The following RUNX1 variants were observed in gnomAD, a reference collection of about 807,000 sequenced individuals.
The protein encoded by RUNX1 is runt-related transcription factor 1.
Under a neutral mutation model 42.8 loss-of-function variants are expected in RUNX1, and 19 were observed. The ratio of observed to expected loss-of-function variants is 0.44; its 90% CI spans 0.31 to 0.65. RUNX1 has a LOEUF of 0.65. RUNX1 is among the 30% of genes least tolerant of loss of function. The pLI is 0.07. For missense variants in RUNX1, 528 were observed against 672.0 expected, an observed-to-expected ratio of 0.79 and a Z score of 2.37; for synonymous variants, 271 against 289.4, an observed-to-expected ratio of 0.94 and a Z score of 0.64.
intron 3 of RUNX1, chr21:34,889,694 G>C: frequency 4.3e-6 from 5 of 1,171,154 alleles, no homozygotes; most frequent in Non-Finnish European, 5.3e-6. Context: ...TCGCGTGCGG[G>C]CGGCCGCTTC....
rs2058227434 is a variant in RUNX1 at position 34,907,133 on chromosome 21, C to G, written c.59-14170G>C. On this transcript the variant is annotated intron_variant, in intron 2 of 8. Transcript: ENST00000675419. This position sits in a 1 kb window ranked among gnomAD's most constrained non-coding sequence, Gnocchi z 5.3. ...GTGCCCCCTTCAGTGAAAACCTTGA[C>G]TCTAAGGACAGCACTTTCCTGGTGT... Among the ~76,000 whole-genome samples the G allele has an allele frequency of 6.6e-6, 1 of 152,160 alleles. No individual in the cohort carries two copies. Among genetic ancestry groups the G allele is most frequent in the South Asian group, 2.1e-4 (1 of 4,826 alleles).
chr21:34,792,309 G>GCCCC lies in RUNX1; in HGVS notation c.1268_1269insGGGG (p.Ser424GlyfsTer177). On this transcript the variant is annotated frameshift_variant, in exon 9 of 9. Coordinates refer to ENST00000675419, the MANE Select transcript of RUNX1 (RefSeq NM_001754.5). LOFTEE classifies it high-confidence loss of function. This position sits in a 1 kb window ranked among gnomAD's most constrained non-coding sequence, Gnocchi z 6.9. ...AGGGCGGCAGGATGCGCGGCGGCGA[G>GCCCC]CGCTCGCCGCCCACCATGGAGAACT... The GCCCC allele has an allele frequency of 6.5e-7, 1 of 1,542,488 alleles. No individual in the cohort carries two copies. Among genetic ancestry groups the GCCCC allele is most frequent in the Non-Finnish European group, 8.7e-7 (1 of 1,145,406 alleles).
At chr21:34,806,752 G>T (rs1303531463) in intron 7 of RUNX1, among the ~76,000 whole-genome samples, 2 of 152,084 alleles carry the variant, frequency 1.3e-5, no homozygotes, top group Non-Finnish European at 2.9e-5. Context: ...ATCCTTAAAA[G>T]TATAGAAAGC....
chr21:35,031,687 C>T (rs1256623764), intron 2 of RUNX1, among the ~76,000 whole-genome samples: 1 of 151,870 alleles, frequency 6.6e-6, no homozygotes. Flanking sequence ...ACTATTAAGC[C>T]TTAAAAAAGA....
intron 7 of RUNX1, among the ~76,000 whole-genome samples, chr21:34,817,354 G>A (rs1292960856): frequency 6.6e-6 from 1 of 152,204 alleles, no homozygotes; most frequent in African/African-American, 2.4e-5. Flanking sequence ...TATACTACAA[G>A]AAACAGACTG....
At position 34,799,841 on chromosome 21, in the gene RUNX1, C is replaced by T. The variant is rs553904005; in HGVS notation, c.806-379G>A. 3.3e-5 allele frequency among the ~76,000 whole-genome samples: 5 copies of T among 152,276 alleles called. No homozygotes were observed. In the East Asian group the frequency reaches 5.8e-4, roughly 18 times the overall value. On this transcript the variant is annotated intron_variant, in intron 7 of 8. Transcript: ENST00000675419. Reference sequence around the variant, plus strand: ...ATGATTTCAGCTTTGCCAATAATTACAATTATCATCATCAGAAACATTTTA... The same window carrying T: ...ATGATTTCAGCTTTGCCAATAATTATAATTATCATCATCAGAAACATTTTA...
chr21:35,011,672 A>G (rs749456092), intron 2 of RUNX1, among the ~76,000 whole-genome samples: 4 of 152,218 alleles, frequency 2.6e-5, no homozygotes, highest in African/African-American at 7.2e-5. Context: ...GATCCCATCC[A>G]TGTTTCATCA....
At chr21:34,890,356 C>T (rs1035406334) in intron 3 of RUNX1, among the ~76,000 whole-genome samples, 2 of 152,196 alleles carry the variant, frequency 1.3e-5, no homozygotes, top group African/African-American at 4.8e-5. Context: ...CAGGAAGCCG[C>T]CCCAGAGCCC....
rs916284733 is a variant in RUNX1, at chr21:35,024,375, CAA to C, written c.58+24465_58+24466del. Among the ~76,000 whole-genome samples, 52 of 152,348 alleles carry C rather than the reference CAA, an allele frequency of 3.4e-4. 1 individual carries two copies. The highest frequency in any genetic ancestry group is 3.4e-3 in the Admixed American group (52 of 15,310). On this transcript the variant is annotated intron_variant, in intron 2 of 8. Coordinates refer to ENST00000675419, the MANE Select transcript of RUNX1 (RefSeq NM_001754.5). ...CCATGCCAATCTACTGAGACTTCTA[CAA>C]GAGAGAGAAACACACTTCTATCTTG...
intron 2 of RUNX1, among the ~76,000 whole-genome samples, chr21:34,952,677 G>GA (rs1361194925): frequency 6.6e-6 from 1 of 152,076 alleles, no homozygotes; most frequent in African/African-American, 2.4e-5. Context: ...TCATTTTACA[G>GA]AAAAAGAAAT....
chr21:35,048,536 C>T (rs2059416891), intron 2 of RUNX1, among the ~76,000 whole-genome samples: 1 of 152,258 alleles, frequency 6.6e-6, no homozygotes, highest in East Asian at 1.9e-4. Flanking sequence ...GTGCAAGCTT[C>T]ATAATCTCTA....
intron 2 of RUNX1, among the ~76,000 whole-genome samples, chr21:34,997,467 T>C (rs994002855): frequency 7.2e-5 from 11 of 152,230 alleles, no homozygotes; most frequent in African/African-American, 2.7e-4. Flanking sequence ...CAGTAGGAGA[T>C]GGTGTGTGGA....
intron 8 of RUNX1, among the ~76,000 whole-genome samples, chr21:34,796,641 T>C (rs2056531485): frequency 6.6e-6 from 1 of 152,216 alleles, no homozygotes; most frequent in South Asian, 2.1e-4. Flanking sequence ...CTCTCCAGCT[T>C]GACATGGATG....
rs147474097 is a variant in RUNX1 at position 34,927,290 on chromosome 21, T to G, written c.59-34327A>C. 1.8e-3 allele frequency among the ~76,000 whole-genome samples: 278 copies of G among 152,230 alleles called. 2 individuals are homozygous for G. Among genetic ancestry groups the G allele is most frequent in the African/African-American group, 6.3e-3 (260 of 41,562 alleles). ...TCAGCCTCCTCTTCCCTTGCCACAC[T>G]CCACGTAACACAGAATGCACAAGAC... On this transcript the variant is annotated intron_variant, in intron 2 of 8. Coordinates refer to ENST00000675419, the MANE Select transcript of RUNX1 (RefSeq NM_001754.5).
chr21:34,903,416 C>G (rs576559192), intron 2 of RUNX1, among the ~76,000 whole-genome samples: 1 of 152,140 alleles, frequency 6.6e-6, no homozygotes, highest in Admixed American at 6.5e-5. Flanking sequence ...GACTTTTTTA[C>G]TAAAATAAAA....
intron 2 of RUNX1, among the ~76,000 whole-genome samples, chr21:35,009,118 A>G (rs1342299646): frequency 6.6e-6 from 1 of 152,178 alleles, no homozygotes; most frequent in Non-Finnish European, 1.5e-5. Context: ...GTCCTGCTGC[A>G]TCTTTTAACC....
At chr21:35,028,445 G>A (rs73203049) in intron 2 of RUNX1, among the ~76,000 whole-genome samples, 8,027 of 152,234 alleles carry the variant, frequency 0.053, 298 homozygotes, top group Non-Finnish European at 0.069. Flanking sequence ...GAGCACTCCT[G>A]GAGCCACCTG....
intron 3 of RUNX1, chr21:34,889,648 G>A (rs1271421971): frequency 1.6e-5 from 18 of 1,110,984 alleles, no homozygotes; most frequent in African/African-American, 3.4e-5. Context: ...GCCCCCGTGC[G>A]CTCGAGCGGC....
chr21:35,001,311 T>C, intron 2 of RUNX1, among the ~76,000 whole-genome samples: 1 of 9,472 alleles, frequency 1.1e-4, no homozygotes, highest in East Asian at 4.8e-4. Flanking sequence ...TATGGTTTTA[T>C]ATATATATAT....
Sources: gnomAD v4.1 joint callset for allele counts (sites outside exome capture counted in the v4.1 genomes callset) on GRCh38, gnomAD v4.1.1 for gene constraint, Gnocchi (gnomAD v3.1) non-coding constraint, MANE v1.5 for transcripts, NCBI Gene and HGNC (gene_info 2026-07-23, HGNC 2026-07-21) for gene names.